Variants in DNAH2 observed in about 807,000 individuals in gnomAD.
The protein encoded by DNAH2 is dynein axonemal heavy chain 2.
A neutral mutation model predicts 523.5 loss-of-function variants in DNAH2; 323 were observed. That is an observed-to-expected ratio of 0.62 (90% CI 0.56 to 0.68). The LOEUF (loss-of-function observed/expected upper bound fraction) is 0.68, where lower values mean the gene tolerates loss of function less well. Ranked by LOEUF, DNAH2 falls within the 30% of genes least tolerant of loss-of-function variation. The probability of loss-of-function intolerance (pLI) is 0.00; values close to 1 mark genes in which losing one functional copy is unlikely to be tolerated. For synonymous variants in DNAH2, 2,093 were observed against 2,177.4 expected, an observed-to-expected ratio of 0.96 and a Z score of 1.08; for missense variants, 4,907 against 5,701.5, an observed-to-expected ratio of 0.86 and a Z score of 4.49.
At chr17:7,824,769 T>C (rs781509121) in intron 77 of DNAH2, 42 bp downstream of exon 77, 8 of 1,423,330 alleles carry the variant, frequency 5.6e-6, no homozygotes, top group Non-Finnish European at 7.5e-6. Flanking sequence ...GGCCATCTGG[T>C]CCACCTTACC....
At chr17:7,763,172 T>A (rs966313925) in intron 18 of DNAH2, among the ~76,000 whole-genome samples, 1 of 151,952 alleles carries the variant, frequency 6.6e-6, no homozygotes, top group Non-Finnish European at 1.5e-5. Context: ...TTATTTATTC[T>A]TTTTGAGACA....
chr17:7,752,078 A>G (rs2075699378), intron 12 of DNAH2, among the ~76,000 whole-genome samples: 1 of 149,420 alleles, frequency 6.7e-6, no homozygotes, highest in Non-Finnish European at 1.5e-5. Context: ...AGCTGAAACT[A>G]CAGGTGTGAA....
rs745895273 is a variant in DNAH2, at chr17:7,770,853, C to A, written c.4282C>A (p.His1428Asn). 1 of 1,614,158 alleles carries A rather than the reference C, an allele frequency of 6.2e-7. No homozygotes were observed. ...FVKAFEKDVD[H>N]WERCLSLILE... ...CAAGGCCTTTGAGAAGGATGTGGAC[C>A]ACTGGGAACGCTGCCTCTCCCTCAT... Residue 1428 changes from histidine to asparagine, a missense_variant, in exon 27 of 86, where the codon CAC (histidine) becomes AAC (asparagine). By Grantham distance (68) the His-to-Asn change is moderately conservative (BLOSUM62 1). Coordinates refer to ENST00000572933, the MANE Select transcript of DNAH2 (RefSeq NM_020877.5).
At position 7,734,658 on chromosome 17, in the gene DNAH2, G is replaced by C; in HGVS notation, c.928G>C (p.Ala310Pro). ...GCACGTTGAATCCATCCTGCACCTT[G>C]CCAAGTCGTCCTACTTGGCGCCCTT... ...VKHVESILHL[A>P]KSSYLAPFMK... The change falls in exon 7 of 86, where the codon GCC becomes CCC. Residue 310 changes from alanine to proline, a missense_variant. Ala to Pro is a conservative substitution (Grantham distance 27). This residue lies in a region of DNAH2 where 2,806 missense variants were observed against 3,190.8 expected (regional missense o/e 0.88). Coordinates refer to ENST00000572933, the MANE Select transcript of DNAH2 (RefSeq NM_020877.5). 6.2e-7 allele frequency: 1 copy of C among 1,613,042 alleles called. No individual in the cohort carries two copies. The highest frequency in any genetic ancestry group is 8.5e-7 in the Non-Finnish European group (1 of 1,179,882).
At position 7,830,361 on chromosome 17, in the gene DNAH2, G is replaced by T; in HGVS notation, c.11915G>T (p.Cys3972Phe). 1.9e-6 allele frequency: 3 copies of T among 1,614,242 alleles called. No individual in the cohort carries two copies. Among genetic ancestry groups the T allele is most frequent in the Non-Finnish European group, 2.5e-6 (3 of 1,180,048 alleles). Residue 3972 changes from cysteine to phenylalanine, a missense_variant, in exon 78 of 86, where the codon TGC becomes TTC. By Grantham distance (205) the Cys-to-Phe change is radical. Transcript: ENST00000572933. ...ATGTCAGAACCACAGTTTTCCCGCT[G>T]CTCCAAACCTGCCAAATATAAGAAG... ...QLMSEPQFSR[C>F]SKPAKYKKLL...
At chr17:7,741,291 T>TTTCTTTCTTTCTTTCTTTCTTTC (rs1567624798) in intron 11 of DNAH2, among the ~76,000 whole-genome samples, 2 of 53,122 alleles carry the variant, frequency 3.8e-5, no homozygotes, top group Non-Finnish European at 6.5e-5. Flanking sequence ...TCTTTCTTTC[T>TTTCTTTCTTTCTTTCTTTCTTTC]TTCTTCCTTC....
chr17:7,796,781 T>G, intron 50 of DNAH2, 129 bp downstream of exon 50: 1 of 1,064,254 alleles, frequency 9.4e-7, no homozygotes, highest in Non-Finnish European at 1.3e-6. Flanking sequence ...AGTGCCACAC[T>G]CCCTGGCCTT....
chr17:7,732,392 A>C (rs1205727385), intron 4 of DNAH2, among the ~76,000 whole-genome samples: 1 of 145,120 alleles, frequency 6.9e-6, no homozygotes, highest in Non-Finnish European at 1.5e-5. Flanking sequence ...CTGAGATTGC[A>C]CCATTGCACT....
At position 7,787,351 on chromosome 17, in the gene DNAH2, G is replaced by A. The variant is rs2076769127; in HGVS notation, c.6603+318G>A. On this transcript the variant is annotated intron_variant, in intron 42 of 85. Coordinates refer to ENST00000572933, the MANE Select transcript of DNAH2 (RefSeq NM_020877.5). ...ACCCAGAGGTATGAATTCACGGACT[G>A]GCAAGCACACCCTTTTCCACCCACT... 3 of 434,758 alleles carry A rather than the reference G, an allele frequency of 6.9e-6. No homozygotes were observed. In the Admixed American group the frequency reaches 1.2e-4, roughly 17 times the overall value. The allele number at this position is 434,758 out of a possible 1,614,324, so 26.9% of individuals were successfully genotyped here.
intron 30 of DNAH2, 49 bp downstream of exon 30, chr17:7,775,391 G>A (rs1325318235): frequency 6.4e-7 from 1 of 1,558,412 alleles, no homozygotes; most frequent in Non-Finnish European, 8.7e-7. Context: ...TCTTCCTACA[G>A]AAAGTTCACC....
chr17:7,727,338 C>T (rs543978187), intron 4 of DNAH2, 46 bp downstream of exon 4: 85 of 1,565,018 alleles, frequency 5.4e-5, no homozygotes, highest in African/African-American at 9.8e-5. Flanking sequence ...TACAGAGAGC[C>T]GAGGGCTCTC....
In DNAH2 at chr17:7,816,705, C is replaced by A. The variant is rs143512388; in HGVS notation, c.9864C>A (p.Gly3288=). ...RAGMLVSGLA[G]EKARWEETVQ... ...GGATGCTCGTGTCGGGGTTGGCTGG[C>A]GAGAAGGCCAGATGGGAGGAGACAG... Residue 3288 remains glycine (G), a synonymous_variant, in exon 64 of 86, where the codon GGC becomes GGA. Transcript: ENST00000572933. The A allele has an allele frequency of 3.1e-6, 5 of 1,614,010 alleles. No individual in the cohort carries two copies. Among genetic ancestry groups the A allele is most frequent in the East Asian group, 2.2e-5 (1 of 44,876 alleles).
In DNAH2 at chr17:7,798,583, T is replaced by C. The variant is rs771157858; in HGVS notation, c.8424T>C (p.Ala2808=). The C allele has an allele frequency of 1.9e-6, 3 of 1,614,026 alleles. No individual in the cohort carries two copies. The African/African-American group carries it at 4.0e-5, about 22-fold the overall frequency. The change falls in exon 55 of 86, where the codon GCT becomes GCC. Residue 2808 remains alanine, a synonymous_variant. Coordinates refer to ENST00000572933, the MANE Select transcript of DNAH2 (RefSeq NM_020877.5). The surrounding 1 kb of genome is among the most constrained non-coding windows in gnomAD (Gnocchi z 5.5). ...ATATCAAGCGTCTGTATCGCCAGGC[T>C]GGGGTGGAGCTCAAGACCACGTCCT... The part of the protein sequence containing the change: ...RDDIKRLYRQ[A]GVELKTTSFI...
chr17:7,741,297 C>T (rs12949368), intron 11 of DNAH2, among the ~76,000 whole-genome samples: 23,864 of 60,212 alleles, frequency 0.4, 4,699 homozygotes, highest in South Asian at 0.48. Context: ...TTTCTTTCTT[C>T]CTTCCTTCCC....
At chr17:7,767,750 A>C in intron 22 of DNAH2, 150 bp from the exon 23 acceptor site, 2 of 965,510 alleles carry the variant, frequency 2.1e-6, no homozygotes, top group Non-Finnish European at 3.0e-6. Context: ...TCTTAAGGCA[A>C]CAGAGTGGAG....
chr17:7,787,131 A>T, intron 42 of DNAH2, 98 bp downstream of exon 42: 1 of 1,478,840 alleles, frequency 6.8e-7, no homozygotes, highest in Non-Finnish European at 9.1e-7. Context: ...AGAGCAGGGC[A>T]GGTTCTGTGG....
intron 39 of DNAH2, among the ~76,000 whole-genome samples, chr17:7,784,998 T>C (rs9907496): frequency 0.03 from 4,620 of 152,230 alleles, 157 homozygotes; most frequent in East Asian, 0.13. Context: ...ATTTGAATGC[T>C]TTTAACAGAC....
chr17:7,725,425 A>AATATAT (rs71387992), intron 3 of DNAH2, among the ~76,000 whole-genome samples: 2,124 of 124,950 alleles, frequency 0.017, 56 homozygotes, highest in Middle Eastern at 0.033. Flanking sequence ...ACTTCAAGTG[A>AATATAT]ATATATATAT....
intron 58 of DNAH2, 130 bp from the exon 59 acceptor site, chr17:7,804,126 T>A: frequency 1.2e-6 from 1 of 869,196 alleles, no homozygotes; most frequent in Non-Finnish European, 1.8e-6. Flanking sequence ...CCGACCAGGA[T>A]GGTGGGGGTA....
Sources: gnomAD v4.1 joint callset for allele counts (sites outside exome capture counted in the v4.1 genomes callset) on GRCh38, gnomAD v4.1.1 for gene constraint, gnomAD v4.1.1 regional missense constraint, Gnocchi (gnomAD v3.1) non-coding constraint, MANE v1.5 for transcripts, NCBI Gene and HGNC (gene_info 2026-07-23, HGNC 2026-07-21) for gene names.